The following CIT variants were observed in gnomAD, a reference collection of about 807,000 sequenced individuals.
CIT encodes the protein citron rho-interacting serine/threonine kinase.
CIT carries 79 observed loss-of-function variants against 272.7 expected under a neutral mutation model. The observed-to-expected ratio is 0.29, with a 90% CI of 0.24 to 0.35. The LOEUF (loss-of-function observed/expected upper bound fraction) is 0.35. Ranked by LOEUF, CIT falls within the 10% of genes least tolerant of loss-of-function variation. CIT has a pLI of 1.00. For synonymous variants in CIT, 948 were observed against 995.6 expected (o/e 0.95, Z 0.90); for missense variants, 1,909 against 2,618.3 (o/e 0.73, Z 5.91).
chr12:119,762,959 T>C (rs1293274107), intron 19 of CIT, among the ~76,000 whole-genome samples: 1 of 152,124 alleles, frequency 6.6e-6, no homozygotes, highest in Non-Finnish European at 1.5e-5. Flanking sequence ...GATGGGAGGA[T>C]TGCTTGAGCC....
intron 13 of CIT, among the ~76,000 whole-genome samples, chr12:119,781,760 C>G (rs1322907902): frequency 6.6e-6 from 1 of 152,158 alleles, no homozygotes; most frequent in Non-Finnish European, 1.5e-5. Context: ...AGTGTTAATC[C>G]TGACTTGACC....
Position 119,869,052 on chromosome 12 carries a change from A to G in CIT, c.238+8T>C, listed in dbSNP as rs756976488. 6.2e-7 allele frequency: 1 copy of G among 1,608,658 alleles called. No homozygotes were observed. Among genetic ancestry groups the G allele is most frequent in the South Asian group, 1.1e-5 (1 of 89,798 alleles). On this transcript the variant is annotated splice_region_variant and intron_variant, in intron 3 of 47. Transcript: ENST00000392521. ...GACAGTTTTCAAGAAAAAGTTCCCC[A>G]AACTTACACTTCCGGACAAAGTTGC...
At chr12:119,754,010 A>G (rs1455619783) in intron 22 of CIT, among the ~76,000 whole-genome samples, 1 of 152,204 alleles carries the variant, frequency 6.6e-6, no homozygotes, top group Non-Finnish European at 1.5e-5. Context: ...GGAGGCCTTA[A>G]CAAATCAGTG....
intron 40 of CIT, among the ~76,000 whole-genome samples, chr12:119,704,679 T>A (rs1046730103): frequency 4.6e-5 from 7 of 152,074 alleles, no homozygotes; most frequent in Admixed American, 6.6e-5. Flanking sequence ...CAAAAATGTC[T>A]CCAGCCATTA....
At chr12:119,763,798 A>G (rs1962105246) in intron 19 of CIT, among the ~76,000 whole-genome samples, 1 of 152,250 alleles carries the variant, frequency 6.6e-6, no homozygotes, top group Admixed American at 6.5e-5. Context: ...AATGAATTAA[A>G]GGCTTGATCC....
chr12:119,872,208 G>T (rs1313924382), intron 2 of CIT, among the ~76,000 whole-genome samples: 1 of 151,876 alleles, frequency 6.6e-6, no homozygotes, highest in Non-Finnish European at 1.5e-5. Flanking sequence ...AAAATAATAG[G>T]TCTTTCTTTT....
chr12:119,824,614 C>A (rs80126039), intron 8 of CIT, among the ~76,000 whole-genome samples: 2,337 of 152,278 alleles, frequency 0.015, 32 homozygotes, highest in Non-Finnish European at 0.02. Context: ...GAGTTAAGTG[C>A]CATATAAGTA....
intron 10 of CIT, among the ~76,000 whole-genome samples, chr12:119,796,061 C>T (rs1354404591): frequency 1.3e-5 from 2 of 152,198 alleles, no homozygotes; most frequent in African/African-American, 2.4e-5. Flanking sequence ...CTTAATGAGC[C>T]TTGAACAGCT....
At chr12:119,805,455 C>A (rs1384888803) in intron 9 of CIT, among the ~76,000 whole-genome samples, 1 of 152,216 alleles carries the variant, frequency 6.6e-6, no homozygotes, top group Admixed American at 6.5e-5. Context: ...CTACTGCTCA[C>A]AGGAATTGCA....
At chr12:119,862,808 T>TAA (rs1157467178) in intron 3 of CIT, among the ~76,000 whole-genome samples, 270 of 10,252 alleles carry the variant, frequency 0.026, 30 homozygotes, top group Non-Finnish European at 0.03. Flanking sequence ...AGACTCTACC[T>TAA]AAAAAAAAAA....
chr12:119,712,082 G>T lies in CIT; in HGVS notation c.4854+96C>A. ...AGCCCTCAGAGAGAGAGCCTGAGGG[G>T]AATCAAAATGGCCAATGGGATTCTC... On this transcript the variant is annotated intron_variant, in intron 37 of 47. Transcript: ENST00000392521. This position sits in a 1 kb window ranked among gnomAD's most constrained non-coding sequence, Gnocchi z 5.2. The T allele has an allele frequency of 8.2e-7, 1 of 1,215,542 alleles. No individual in the cohort carries two copies. Among genetic ancestry groups the T allele is most frequent in the Non-Finnish European group, 1.2e-6 (1 of 863,484 alleles). 75.3% of individuals were successfully genotyped at this position (1,215,542 alleles called of 1,614,324 possible). A position where few individuals can be genotyped will look rare whatever the true frequency, so the allele number is the denominator to read the frequency against.
chr12:119,874,170 T>G (rs1235358218), intron 2 of CIT, among the ~76,000 whole-genome samples: 1 of 152,122 alleles, frequency 6.6e-6, no homozygotes, highest in African/African-American at 2.4e-5. Context: ...CGGGTTCAAA[T>G]GATTCTCCTG....
At chr12:119,799,857 C>G (rs373782143) in intron 10 of CIT, among the ~76,000 whole-genome samples, 4 of 128,066 alleles carry the variant, frequency 3.1e-5, no homozygotes, top group African/African-American at 1.1e-4. Context: ...TTTTTTTTAG[C>G]TCATCAGCTA....
Position 119,718,294 on chromosome 12 carries a change from G to C in CIT, c.4119C>G (p.Ser1373Arg). ...TGCGGCTGGATGGCGGGGCCAGCAG[G>C]CTCATGGCACTGGGCTGGTGCTCTG... Reference protein sequence around the residue: ...RSPEHQPSAMSLLAPPSSRRK... With the variant: ...RSPEHQPSAMRLLAPPSSRRK... The change falls in exon 32 of 48, where the codon AGC (serine) becomes AGG (arginine). Residue 1373 changes from serine (S) to arginine (R), a missense_variant. Physicochemically the swap from Ser to Arg is moderately radical, Grantham distance 110. Around this residue, in one of 8 missense-constraint regions of CIT, gnomAD observed 780 missense variants for 1,067.2 expected, o/e 0.73. Coordinates refer to ENST00000392521, the MANE Select transcript of CIT (RefSeq NM_001206999.2). The surrounding 1 kb of genome is among the most constrained non-coding windows in gnomAD (Gnocchi z 4.8). 1 of 1,613,990 alleles carries C rather than the reference G, an allele frequency of 6.2e-7. No homozygotes were observed. Among genetic ancestry groups the C allele is most frequent in the Non-Finnish European group, 8.5e-7 (1 of 1,179,928 alleles).
Position 119,859,514 on chromosome 12 carries a change from T to C in CIT, c.239-1816A>G, listed in dbSNP as rs938518567. 2.0e-5 allele frequency among the ~76,000 whole-genome samples: 3 copies of C among 152,210 alleles called. No homozygotes were observed. In the East Asian group the frequency reaches 5.8e-4, roughly 29 times the overall value. On this transcript the variant is annotated intron_variant, in intron 3 of 47. Transcript: ENST00000392521. ...TGTCATTTTTTTCATTTTCTTAGTTTTTTTTTTAAGAGACACAAATGGCTG... is the reference window on the plus strand; with the variant it reads ...TGTCATTTTTTTCATTTTCTTAGTTCTTTTTTTAAGAGACACAAATGGCTG...
At position 119,710,919 on chromosome 12, in the gene CIT, T is replaced by C; in HGVS notation, c.4855-299A>G. 1 of 725,340 alleles carries C rather than the reference T, an allele frequency of 1.4e-6. No individual in the cohort carries two copies. The highest frequency in any genetic ancestry group is 1.6e-5 in the South Asian group (1 of 63,852). 44.9% of individuals were successfully genotyped at this position (725,340 alleles called of 1,614,324 possible). A position where few individuals can be genotyped will look rare whatever the true frequency, so the allele number is the denominator to read the frequency against. ...AGCTATTCTGTAATAAGAAATAAGCTGAAGCTAAGGAGATTTCACCTGCGC... is the reference window on the plus strand; with the variant it reads ...AGCTATTCTGTAATAAGAAATAAGCCGAAGCTAAGGAGATTTCACCTGCGC... On this transcript the variant is annotated intron_variant, in intron 37 of 47. Transcript: ENST00000392521. This position sits in a 1 kb window ranked among gnomAD's most constrained non-coding sequence, Gnocchi z 5.6.
At chr12:119,848,741 C>T (rs147906537) in intron 5 of CIT, among the ~76,000 whole-genome samples, 9 of 152,170 alleles carry the variant, frequency 5.9e-5, no homozygotes, top group Non-Finnish European at 7.4e-5. Context: ...TATCCCCCAC[C>T]GGAGCTGGGC....
At chr12:119,733,274 A>G (rs1281853050) in intron 26 of CIT, among the ~76,000 whole-genome samples, 1 of 152,000 alleles carries the variant, frequency 6.6e-6, no homozygotes, top group Non-Finnish European at 1.5e-5. Flanking sequence ...TCACGCTTGT[A>G]ATCCCAGCAC....
intron 7 of CIT, among the ~76,000 whole-genome samples, chr12:119,832,177 T>C (rs1191654157): frequency 6.6e-6 from 1 of 152,218 alleles, no homozygotes; most frequent in East Asian, 1.9e-4. Context: ...TATTAGAAGA[T>C]TTTTAAACTC....
Sources: allele counts gnomAD v4.1 joint callset (sites outside exome capture counted in the v4.1 genomes callset), GRCh38; gene constraint gnomAD v4.1.1; regional missense constraint gnomAD v4.1.1; non-coding constraint Gnocchi (gnomAD v3.1); transcripts MANE v1.5; gene names NCBI Gene and HGNC (gene_info 2026-07-23, HGNC 2026-07-21).